OXCT1: variants seen among roughly 807,000 people sequenced by gnomAD.
The protein encoded by OXCT1 is succinyl-CoA:3-ketoacid coenzyme A transferase 1, mitochondrial.
OXCT1 carries 27 observed loss-of-function variants against 69.6 expected under a neutral mutation model. The ratio of observed to expected loss-of-function variants is 0.39; its 90% confidence interval spans 0.29 to 0.54. OXCT1 has a LOEUF of 0.54. OXCT1 is among the 20% of genes least tolerant of loss of function. OXCT1 has a pLI of 0.72. For synonymous variants in OXCT1, 202 were observed against 217.8 expected, an observed-to-expected ratio of 0.93 and a Z score of 0.64; for missense variants, 437 against 650.2, an observed-to-expected ratio of 0.67 and a Z score of 3.57.
intron 13 of OXCT1, among the ~76,000 whole-genome samples, chr5:41,788,131 A>G (rs948816015): frequency 6.6e-5 from 10 of 152,224 alleles, no homozygotes; most frequent in Non-Finnish European, 1.3e-4. Context: ...GGCAGAAAAC[A>G]GAAGTTTACT....
chr5:41,846,138 A>AT (rs1337709315), intron 5 of OXCT1, among the ~76,000 whole-genome samples: 1 of 151,392 alleles, frequency 6.6e-6, no homozygotes, highest in African/African-American at 2.4e-5. Flanking sequence ...TTATTTATTT[A>AT]TTATTATTAT....
chr5:41,863,847 C>G (rs974420495), intron 1 of OXCT1, among the ~76,000 whole-genome samples: 2 of 152,168 alleles, frequency 1.3e-5, no homozygotes. Context: ...GCACTGCTCT[C>G]TAAGAAATTA....
chr5:41,855,855 A>T (rs368957945), intron 3 of OXCT1, among the ~76,000 whole-genome samples: 1 of 152,328 alleles, frequency 6.6e-6, no homozygotes, highest in African/African-American at 2.4e-5. Context: ...AGCAGAAAAA[A>T]TCTTACAGGA....
intron 7 of OXCT1, among the ~76,000 whole-genome samples, chr5:41,839,270 G>A (rs1004516786): frequency 2.6e-5 from 4 of 152,192 alleles, no homozygotes; most frequent in African/African-American, 4.8e-5. Flanking sequence ...CCAGGATAAT[G>A]CATAACGCCC....
chr5:41,862,173 T>A (rs1021084891), intron 2 of OXCT1, among the ~76,000 whole-genome samples: 2 of 152,180 alleles, frequency 1.3e-5, no homozygotes, highest in Non-Finnish European at 2.9e-5. Context: ...ATCGCACCAC[T>A]GCACTCCAGC....
intron 13 of OXCT1, among the ~76,000 whole-genome samples, chr5:41,782,225 T>C (rs184700502): frequency 6.6e-6 from 1 of 152,094 alleles, no homozygotes; most frequent in African/African-American, 2.4e-5. Context: ...TGAGCTTTTT[T>C]TTTTTTTTAA....
intron 13 of OXCT1, among the ~76,000 whole-genome samples, chr5:41,778,660 GCTGCAAGTTCTTCAACAATGCCCCA>G (rs1168539967): frequency 6.6e-6 from 1 of 152,164 alleles, no homozygotes; most frequent in Non-Finnish European, 1.5e-5. Flanking sequence ...ATGATCGAGT[GCTGCAAGTTCTTCAACAATGCCCCA>G]CCACATGCAT....
intron 13 of OXCT1, among the ~76,000 whole-genome samples, chr5:41,773,712 G>C (rs1237025047): frequency 6.8e-6 from 1 of 147,766 alleles, no homozygotes; most frequent in Non-Finnish European, 1.5e-5. Context: ...GAGGTAAAAA[G>C]CATATATAGG....
intron 13 of OXCT1, among the ~76,000 whole-genome samples, chr5:41,774,278 C>T (rs1037238622): frequency 6.6e-6 from 1 of 152,162 alleles, no homozygotes; most frequent in African/African-American, 2.4e-5. Context: ...TTATTTAAAA[C>T]TGCATGAGCA....
At chr5:41,732,287 T>C (rs1378741389) in intron 16 of OXCT1, among the ~76,000 whole-genome samples, 2 of 152,122 alleles carry the variant, frequency 1.3e-5, no homozygotes, top group Admixed American at 6.6e-5. Context: ...ATAATCAGAA[T>C]AGAAATGATA....
chr5:41,845,951 C>T (rs1044710039), intron 5 of OXCT1, among the ~76,000 whole-genome samples: 1 of 151,896 alleles, frequency 6.6e-6, no homozygotes, highest in African/African-American at 2.4e-5. Context: ...ACAAAATATG[C>T]TTATGTAGCA....
intron 7 of OXCT1, among the ~76,000 whole-genome samples, chr5:41,836,810 C>T (rs927579461): frequency 2.0e-5 from 3 of 152,142 alleles, no homozygotes; most frequent in Admixed American, 1.3e-4. Flanking sequence ...TCCTAACAGA[C>T]CATGGGCCAG....
intron 2 of OXCT1, among the ~76,000 whole-genome samples, chr5:41,862,209 G>A (rs1272347492): frequency 2.0e-5 from 3 of 152,220 alleles, no homozygotes; most frequent in South Asian, 4.1e-4. Context: ...AAACTCCCTC[G>A]AGAGTCCAAA....
At chr5:41,869,988 G>GTAGAT in intron 1 of OXCT1, 53 of 454,910 alleles carry the variant, frequency 1.2e-4, no homozygotes, top group Middle Eastern at 6.5e-4. Context: ...GCGCCAAAGG[G>GTAGAT]CTCGGGAGCG....
At chr5:41,865,183 T>C (rs1343127155) in intron 1 of OXCT1, among the ~76,000 whole-genome samples, 1 of 152,118 alleles carries the variant, frequency 6.6e-6, no homozygotes, top group African/African-American at 2.4e-5. Flanking sequence ...AAACAGAAGG[T>C]CTTATTCATT....
chr5:41,829,151 C>A (rs994237793), intron 7 of OXCT1, among the ~76,000 whole-genome samples: 1 of 151,958 alleles, frequency 6.6e-6, no homozygotes, highest in Non-Finnish European at 1.5e-5. Flanking sequence ...CTATTTTTCA[C>A]GAGGCAAAAA....
At chr5:41,859,907 TACAC>T (rs3050897) in intron 3 of OXCT1, among the ~76,000 whole-genome samples, 3 of 138,480 alleles carry the variant, frequency 2.2e-5, no homozygotes, top group African/African-American at 8.0e-5. Context: ...TATATATATA[TACAC>T]ACACACACAC....
chr5:41,754,137 T>C (rs1292406539), intron 14 of OXCT1, among the ~76,000 whole-genome samples: 1 of 133,592 alleles, frequency 7.5e-6, no homozygotes, highest in Non-Finnish European at 1.6e-5. Flanking sequence ...CATAATTTGC[T>C]GAAAAGAAGG....
At chr5:41,764,179 A>G (rs1359164972) in intron 13 of OXCT1, among the ~76,000 whole-genome samples, 2 of 152,168 alleles carry the variant, frequency 1.3e-5, no homozygotes, top group Non-Finnish European at 2.9e-5. Context: ...CTTGTTTCCA[A>G]GAGTGAAAAA....
Sources: allele counts gnomAD v4.1 joint callset (sites outside exome capture counted in the v4.1 genomes callset), GRCh38; gene constraint gnomAD v4.1.1; transcripts MANE v1.5; gene names NCBI Gene and HGNC (gene_info 2026-07-23, HGNC 2026-07-21).